Variants in AJAP1 observed in about 807,000 individuals in gnomAD.
The protein encoded by AJAP1 is adherens junction-associated protein 1.
AJAP1 carries 5 observed loss-of-function variants against 35.0 expected under a neutral mutation model. The observed-to-expected ratio is 0.14, with a 90% CI of 0.07 to 0.30. The LOEUF (loss-of-function observed/expected upper bound fraction) is 0.30. AJAP1 is among the 10% of genes least tolerant of loss of function. AJAP1 has a pLI of 1.00. For synonymous variants in AJAP1, 284 were observed against 249.3 expected (o/e 1.14, Z -1.31); for missense variants, 586 against 571.0 (o/e 1.03, Z -0.27).
rs139555255 is a variant in AJAP1 at position 4,748,154 on chromosome 1, C to T, written c.830-21699C>T. ...CCTTCAGAGCCACTGCCTCTGGCCTCATCCTCGCCCCTGCATCCTCCCCTC... is the reference window on the plus strand; with the variant it reads ...CCTTCAGAGCCACTGCCTCTGGCCTTATCCTCGCCCCTGCATCCTCCCCTC... On this transcript the variant is annotated intron_variant, in intron 2 of 5. Coordinates refer to ENST00000378191, the MANE Select transcript of AJAP1 (RefSeq NM_018836.4). 4.2e-3 allele frequency among the ~76,000 whole-genome samples: 641 copies of T among 152,272 alleles called. 5 individuals are homozygous for T. Among genetic ancestry groups the T allele is most frequent in the African/African-American group, 0.014 (583 of 41,562 alleles).
chr1:4,671,140 G>GGGAAGATCACTTGAGGTC (rs990987692), intron 1 of AJAP1, among the ~76,000 whole-genome samples: 2 of 152,162 alleles, frequency 1.3e-5, no homozygotes, highest in African/African-American at 4.8e-5. Flanking sequence ...AGGCCGAGGT[G>GGGAAGATCACTTGAGGTC]GGAAGATCAC....
intron 2 of AJAP1, among the ~76,000 whole-genome samples, chr1:4,751,898 C>T (rs1484612226): frequency 1.3e-5 from 2 of 152,220 alleles, no homozygotes; most frequent in Non-Finnish European, 2.9e-5. Context: ...TGACTCTGGA[C>T]ACAGCAGCTG....
rs1225943893 is a variant in AJAP1, at chr1:4,788,489, C to G, written c.*6004C>G. The G allele has an allele frequency of 6.6e-6, 1 of 152,190 alleles. No individual in the cohort carries two copies. Among genetic ancestry groups the G allele is most frequent in the African/African-American group, 2.4e-5 (1 of 41,430 alleles). 9.4% of individuals were successfully genotyped at this position (152,190 alleles called of 1,614,324 possible). A position where few individuals can be genotyped will look rare whatever the true frequency, so the allele number is the denominator to read the frequency against. On this transcript the variant is annotated 3_prime_UTR_variant, in exon 6 of 6. Transcript: ENST00000378191. ...GAGTTTATATGGGCCTCCATGTGAC[C>G]AAGCCATCCCTAGCTAGGAAACTTA...
intron 1 of AJAP1, among the ~76,000 whole-genome samples, chr1:4,673,261 T>C (rs983912387): frequency 3.9e-5 from 6 of 152,218 alleles, no homozygotes; most frequent in African/African-American, 1.4e-4. Context: ...TAGTTTGTTA[T>C]GCAGCAATAG....
rs376137818 is a variant in AJAP1, at chr1:4,734,723, C to T, written c.829+22024C>T. Reference sequence around the variant, plus strand: ...TGAATATGATGCATGATCTGTCTTTCGGGTGTTCTTGGAAGGAAGGAGAAG... The same window carrying T: ...TGAATATGATGCATGATCTGTCTTTTGGGTGTTCTTGGAAGGAAGGAGAAG... On this transcript the variant is annotated intron_variant, in intron 2 of 5. Transcript: ENST00000378191. This position sits in a 1 kb window ranked among gnomAD's most constrained non-coding sequence, Gnocchi z 4.3. Among the ~76,000 whole-genome samples the T allele has an allele frequency of 9.3e-4, 142 of 152,184 alleles. 3 individuals carry two copies. Among genetic ancestry groups the T allele is most frequent in the African/African-American group, 3.0e-3 (126 of 41,510 alleles).
intron 5 of AJAP1, among the ~76,000 whole-genome samples, chr1:4,780,607 T>G (rs1642039161): frequency 6.6e-6 from 1 of 150,830 alleles, no homozygotes; most frequent in East Asian, 2.0e-4. Context: ...TCTTTTTTTT[T>G]TCTTTTTTCT....
intron 2 of AJAP1, among the ~76,000 whole-genome samples, chr1:4,758,375 TAA>T (rs756488197): frequency 6.6e-5 from 10 of 152,252 alleles, no homozygotes; most frequent in Non-Finnish European, 1.5e-4. Context: ...GGGTAATTTA[TAA>T]AGAAAAGAGG....
intron 2 of AJAP1, among the ~76,000 whole-genome samples, chr1:4,749,545 T>A (rs1423517746): frequency 6.6e-6 from 1 of 152,144 alleles, no homozygotes; most frequent in Non-Finnish European, 1.5e-5. Context: ...AACCCAGCCC[T>A]CCACGGACGT....
rs149907194 is a variant in AJAP1 at position 4,712,522 on chromosome 1, G to A, written c.652G>A (p.Ala218Thr). 1.4e-5 allele frequency: 23 copies of A among 1,609,848 alleles called. No homozygotes were observed. In the South Asian group the frequency reaches 1.5e-4, roughly 11 times the overall value. The change falls in exon 2 of 6, where the codon GCC (alanine) becomes ACC (threonine). Residue 218 changes from alanine (A) to threonine (T), a missense_variant. By Grantham distance (58) the Ala-to-Thr change is moderately conservative. Transcript: ENST00000378191. ...ILQTRKTTVA[A>T]TTTTTTTATP... ...ACAAACACGGAAGACAACTGTGGCC[G>A]CCACCACCACCACCACCACCACGGC...
rs1278558511 is a variant in AJAP1 at position 4,782,209 on chromosome 1, C to T, written c.*60-336C>T. Among the ~76,000 whole-genome samples the T allele has an allele frequency of 6.6e-6, 1 of 152,168 alleles. No homozygotes were observed. Among genetic ancestry groups the T allele is most frequent in the African/African-American group, 2.4e-5 (1 of 41,444 alleles). ...TGACATGCACGCCTGGGACCGGATG[C>T]CCCGGCACCCCCACCATGAGTTAGC... is the stretch of plus-strand genomic sequence containing the variant. On this transcript the variant is annotated intron_variant, in intron 5 of 5. Transcript: ENST00000378191. This position sits in a 1 kb window ranked among gnomAD's most constrained non-coding sequence, Gnocchi z 5.3.
chr1:4,669,257 G>A (rs1570091889), intron 1 of AJAP1, among the ~76,000 whole-genome samples: 2 of 152,158 alleles, frequency 1.3e-5, no homozygotes, highest in Non-Finnish European at 2.9e-5. Flanking sequence ...TGTGTCTTCA[G>A]TATGGCCTGT....
rs1404586562 is a variant in AJAP1, at chr1:4,783,555, G to C, written c.*1070G>C. ...TATATATATATATATGTTTGTGTGTGTATATATATGTTTGTGTATATATAT... is the reference window on the plus strand; with the variant it reads ...TATATATATATATATGTTTGTGTGTCTATATATATGTTTGTGTATATATAT... On this transcript the variant is annotated 3_prime_UTR_variant, in exon 6 of 6. Transcript: ENST00000378191. 1 of 141,250 alleles carries C rather than the reference G, an allele frequency of 7.1e-6. No homozygotes were observed. The highest frequency in any genetic ancestry group is 2.6e-5 in the African/African-American group (1 of 38,188). The allele number at this position is 141,250 out of a possible 1,614,324, so 8.7% of individuals were successfully genotyped here.
intron 1 of AJAP1, among the ~76,000 whole-genome samples, chr1:4,660,735 T>C (rs1313495069): frequency 1.3e-5 from 2 of 152,128 alleles, no homozygotes; most frequent in Non-Finnish European, 2.9e-5. Flanking sequence ...AAAAATTGTT[T>C]TACAAAACTT....
intron 2 of AJAP1, among the ~76,000 whole-genome samples, chr1:4,721,809 A>G (rs891267960): frequency 6.6e-6 from 1 of 152,230 alleles, no homozygotes; most frequent in South Asian, 2.1e-4. Context: ...CACACTGCCA[A>G]TGCACCTTGC....
intron 2 of AJAP1, among the ~76,000 whole-genome samples, chr1:4,757,288 CTA>C (rs2100341199): frequency 6.6e-6 from 1 of 152,338 alleles, no homozygotes; most frequent in East Asian, 1.9e-4. Context: ...GCATGCAGTG[CTA>C]CCAGTGTATT....
rs2272877 is a variant in AJAP1 at position 4,774,708 on chromosome 1, G to T, written c.*59+150G>T. 20 of 572,784 alleles carry T rather than the reference G, an allele frequency of 3.5e-5. No individual in the cohort carries two copies. The Admixed American group carries it at 4.9e-4, about 14-fold the overall frequency. The allele number at this position is 572,784 out of a possible 1,614,324, so 35.5% of individuals were successfully genotyped here. A position where few individuals can be genotyped will look rare whatever the true frequency, so the allele number is the denominator to read the frequency against. ...TCACTTCTCTGAACATGAGCCGGCG[G>T]GGGGGGCTGGGCTTTTGACCTTGAT... On this transcript the variant is annotated intron_variant, in intron 5 of 5. Transcript: ENST00000378191.
In AJAP1 at chr1:4,655,621, G is replaced by A. The variant is rs1638861692; in HGVS notation, c.29+167G>A. Reference sequence around the variant, plus strand: ...AAGGGGCGCCCGCCCGGAGCCTGGAGCAGCACCGCGGCCCTGGCGGGGAGC... The same window carrying A: ...AAGGGGCGCCCGCCCGGAGCCTGGAACAGCACCGCGGCCCTGGCGGGGAGC... On this transcript the variant is annotated intron_variant, in intron 1 of 5. Transcript: ENST00000378191. This position sits in a 1 kb window ranked among gnomAD's most constrained non-coding sequence, Gnocchi z 6.9. 6.6e-6 allele frequency among the ~76,000 whole-genome samples: 1 copy of A among 151,344 alleles called. No homozygotes were observed. The highest frequency in any genetic ancestry group is 2.4e-5 in the African/African-American group (1 of 41,376).
At chr1:4,710,067 TAG>T (rs1446953244) in intron 1 of AJAP1, among the ~76,000 whole-genome samples, 4 of 151,802 alleles carry the variant, frequency 2.6e-5, no homozygotes, top group Admixed American at 6.6e-5. Flanking sequence ...CACTCACACA[TAG>T]AGTCTCTCAC....
At chr1:4,762,796 G>A (rs999933454) in intron 2 of AJAP1, among the ~76,000 whole-genome samples, 5 of 152,164 alleles carry the variant, frequency 3.3e-5, no homozygotes, top group African/African-American at 1.2e-4. Flanking sequence ...ACCTCCTTCT[G>A]GACTTGGGGA....
Sources: gnomAD v4.1 joint callset for allele counts (sites outside exome capture counted in the v4.1 genomes callset) on GRCh38, gnomAD v4.1.1 for gene constraint, Gnocchi (gnomAD v3.1) non-coding constraint, MANE v1.5 for transcripts, NCBI Gene and HGNC (gene_info 2026-07-23, HGNC 2026-07-21) for gene names.